TBCK: variants seen among roughly 807,000 people sequenced by gnomAD.
TBCK encodes the protein TBC1 domain containing kinase.
A neutral mutation model predicts 113.4 loss-of-function variants in TBCK; 99 were observed. The ratio of observed to expected loss-of-function variants is 0.87; its 90% CI spans 0.74 to 1.03. The LOEUF is 1.03. Ranked by LOEUF, TBCK falls within the 50% of genes least tolerant of loss-of-function variation. TBCK has a pLI of 0.00. For synonymous variants in TBCK, 369 were observed against 370.8 expected (o/e 1.00, Z 0.05); for missense variants, 1,045 against 1,061.3 (o/e 0.98, Z 0.21).
intron 3 of TBCK, among the ~76,000 whole-genome samples, chr4:106,269,924 G>A (rs1177910696): frequency 3.9e-5 from 6 of 152,106 alleles, no homozygotes. Context: ...ATAAAGCCAG[G>A]AGGCTCTGTC....
At chr4:106,299,470 T>G (rs1231682043) in intron 2 of TBCK, among the ~76,000 whole-genome samples, 4 of 152,216 alleles carry the variant, frequency 2.6e-5, no homozygotes, top group Non-Finnish European at 5.9e-5. Flanking sequence ...CAACTAAAAT[T>G]TTTCAGGTTT....
At chr4:106,307,927 TA>T (rs1250314550) in intron 2 of TBCK, among the ~76,000 whole-genome samples, 1 of 152,038 alleles carries the variant, frequency 6.6e-6, no homozygotes, top group Non-Finnish European at 1.5e-5. Context: ...TTCAGTTCTC[TA>T]AATGGGCTGC....
chr4:106,117,028 C>T (rs1743599065), intron 23 of TBCK, among the ~76,000 whole-genome samples: 1 of 152,042 alleles, frequency 6.6e-6, no homozygotes. Context: ...GGAAACCAGT[C>T]CCTGGTGCCA....
intron 25 of TBCK, among the ~76,000 whole-genome samples, chr4:106,067,255 C>T (rs1484057467): frequency 6.6e-6 from 1 of 152,066 alleles, no homozygotes; most frequent in Non-Finnish European, 1.5e-5. Flanking sequence ...TTTCCATGTG[C>T]TTATTGGCCA....
intron 12 of TBCK, among the ~76,000 whole-genome samples, chr4:106,242,047 C>T (rs72891687): frequency 0.045 from 6,851 of 151,880 alleles, 513 homozygotes; most frequent in African/African-American, 0.15. Context: ...AACAGAAAAA[C>T]TGACAAGAGA....
intron 20 of TBCK, among the ~76,000 whole-genome samples, chr4:106,204,182 T>A (rs2149852517): frequency 6.6e-6 from 1 of 152,344 alleles, no homozygotes; most frequent in African/African-American, 2.4e-5. Context: ...AACTTCATTA[T>A]GAGGTAGAAT....
chr4:106,127,031 A>T (rs1745299266), intron 23 of TBCK, among the ~76,000 whole-genome samples: 1 of 152,122 alleles, frequency 6.6e-6, no homozygotes, highest in South Asian at 2.1e-4. Context: ...AACGTGGTGA[A>T]ACCCCATCTC....
chr4:106,289,983 A>G (rs1036568398), intron 3 of TBCK, among the ~76,000 whole-genome samples: 20 of 152,176 alleles, frequency 1.3e-4, no homozygotes, highest in African/African-American at 4.8e-4. Context: ...GTAAATGCAT[A>G]TTTTCATCAT....
At chr4:106,181,842 G>C (rs1303050754) in intron 22 of TBCK, among the ~76,000 whole-genome samples, 3 of 152,110 alleles carry the variant, frequency 2.0e-5, no homozygotes, top group African/African-American at 7.2e-5. Flanking sequence ...GATTGTGTTG[G>C]CTATGTGGGC....
At chr4:106,143,038 T>G (rs185628033) in intron 23 of TBCK, among the ~76,000 whole-genome samples, 2 of 152,338 alleles carry the variant, frequency 1.3e-5, no homozygotes, top group Admixed American at 6.5e-5. Flanking sequence ...ATATCCTATA[T>G]CATGACAATG....
chr4:106,201,492 TA>T (rs1442042679), intron 20 of TBCK, among the ~76,000 whole-genome samples: 8 of 152,120 alleles, frequency 5.3e-5, no homozygotes, highest in Non-Finnish European at 1.0e-4. Context: ...ATACTCTAAG[TA>T]TTTTCTCCAG....
chr4:106,100,099 A>C (rs1741374675), intron 24 of TBCK, among the ~76,000 whole-genome samples: 1 of 152,184 alleles, frequency 6.6e-6, no homozygotes, highest in African/African-American at 2.4e-5. Context: ...TGTTTCATCC[A>C]TGAAAGTTTC....
intron 6 of TBCK, among the ~76,000 whole-genome samples, chr4:106,251,565 C>A (rs554905630): frequency 1.3e-5 from 2 of 151,634 alleles, no homozygotes; most frequent in African/African-American, 4.8e-5. Context: ...TAATGGTACT[C>A]CATATATCTT....
intron 12 of TBCK, chr4:106,237,454 A>T: frequency 2.2e-6 from 1 of 454,982 alleles, no homozygotes; most frequent in Non-Finnish European, 4.4e-6. Flanking sequence ...TGTTAACCAC[A>T]TCCTAAGCAA....
At chr4:106,121,584 C>A (rs1442918948) in intron 23 of TBCK, among the ~76,000 whole-genome samples, 2 of 151,676 alleles carry the variant, frequency 1.3e-5, no homozygotes, top group Non-Finnish European at 2.9e-5. Flanking sequence ...TTTTTCAGCA[C>A]CACACCACAC....
intron 3 of TBCK, among the ~76,000 whole-genome samples, chr4:106,282,824 G>C (rs911988186): frequency 6.6e-6 from 1 of 152,100 alleles, no homozygotes; most frequent in Admixed American, 6.6e-5. Context: ...GCAGGAGACA[G>C]AAACACATGA....
At position 106,136,902 on chromosome 4, in the gene TBCK, G is replaced by GT. The variant is rs148424622; in HGVS notation, c.2236-20525dup. On this transcript the variant is annotated intron_variant, in intron 23 of 25. Transcript: ENST00000394708. ...AAATGATAAAGAAAGAAAGATAGATGTATGAGAGCCTGTATAGGAAAATAC... is the reference window on the plus strand; with the variant it reads ...AAATGATAAAGAAAGAAAGATAGATGTTATGAGAGCCTGTATAGGAAAATAC... Among the ~76,000 whole-genome samples, 642 of 141,328 alleles carry GT rather than the reference G, an allele frequency of 4.5e-3. 70 individuals are homozygous for GT. Among genetic ancestry groups the GT allele is most frequent in the African/African-American group, 0.015 (611 of 39,980 alleles). 92.7% of individuals were successfully genotyped at this position (141,328 alleles called of 152,430 possible).
chr4:106,052,950 T>A (rs2149447688), intron 25 of TBCK, among the ~76,000 whole-genome samples: 2 of 151,710 alleles, frequency 1.3e-5, no homozygotes, highest in South Asian at 4.1e-4. Context: ...ATCACTGAAA[T>A]AACAGGATTT....
At chr4:106,088,356 T>C (rs1038260597) in intron 25 of TBCK, among the ~76,000 whole-genome samples, 5 of 152,202 alleles carry the variant, frequency 3.3e-5, no homozygotes, top group Non-Finnish European at 7.4e-5. Context: ...GAAAAAAAGC[T>C]CAACATCACT....
Sources: gnomAD v4.1 joint callset for allele counts (sites outside exome capture counted in the v4.1 genomes callset) on GRCh38, gnomAD v4.1.1 for gene constraint, MANE v1.5 for transcripts, NCBI Gene and HGNC (gene_info 2026-07-23, HGNC 2026-07-21) for gene names.